The following PUS3 variants were observed in gnomAD, a reference collection of about 807,000 sequenced individuals.
PUS3 encodes the protein tRNA pseudouridine(38/39) synthase.
PUS3 carries 36 observed loss-of-function variants against 43.3 expected under a neutral mutation model. That is an observed-to-expected ratio of 0.83 (90% CI 0.64 to 1.10). PUS3 has a LOEUF of 1.10. PUS3 is among the 50% of genes least tolerant of loss of function. The pLI, the probability that PUS3 is intolerant of heterozygous loss-of-function variation, is 0.00. For synonymous variants in PUS3, 183 were observed against 199.2 expected (o/e 0.92, Z 0.69); for missense variants, 544 against 589.9 (o/e 0.92, Z 0.81).
rs1441319659 is a variant in PUS3, at chr11:125,893,939, A to G, written c.1292T>C (p.Val431Ala). The G allele has an allele frequency of 1.2e-6, 2 of 1,614,144 alleles. No individual in the cohort carries two copies. Among genetic ancestry groups the G allele is most frequent in the Non-Finnish European group, 1.7e-6 (2 of 1,180,044 alleles). Residue 431 changes from valine to alanine, a missense_variant, in exon 4 of 4, where the codon GTA becomes GCA. Physicochemically the swap from Val to Ala is moderately conservative, Grantham distance 64 (BLOSUM62 0). Transcript: ENST00000227474. ...TGGGTGCTCAATTCGTCCCCTACGT[A>G]CAAAATGCTGGATCCGGGATTCCAG... ...QGLESRIQHFVRRGRIEHPHL... is the reference protein window; with the variant it reads ...QGLESRIQHFARRGRIEHPHL...
intron 1 of PUS3, among the ~76,000 whole-genome samples, chr11:125,896,632 G>A (rs1412392391): frequency 6.6e-6 from 1 of 152,210 alleles, no homozygotes; most frequent in East Asian, 1.9e-4. Flanking sequence ...TGAATTGATT[G>A]AGGACTGATG....
rs1322006941 is a variant in PUS3, at chr11:125,895,719, T to G, written c.449A>C (p.Glu150Ala). The G allele has an allele frequency of 3.1e-6, 5 of 1,613,286 alleles. No homozygotes were observed. Among genetic ancestry groups the G allele is most frequent in the Non-Finnish European group, 4.2e-6 (5 of 1,179,882 alleles). Residue 150 changes from glutamate (E) to alanine (A), a missense_variant, in exon 3 of 4, where the codon GAG (glutamate) becomes GCG (alanine). Glu to Ala is a moderately radical substitution (Grantham distance 107). Transcript: ENST00000227474. Reference sequence around the variant, plus strand: ...GATCTCTTCAGCAGCAGCATTAGCCTCCTCTTTTACATTAAAGTCCTCGGA... The same window carrying G: ...GATCTCTTCAGCAGCAGCATTAGCCGCCTCTTTTACATTAAAGTCCTCGGA... ...RDSEDFNVKE[E>A]ANAAAEEIRY...
At chr11:125,899,958 T>C in intron 1 of PUS3, 4 of 1,614,160 alleles carry the variant, frequency 2.5e-6, no homozygotes, top group Non-Finnish European at 3.4e-6. Flanking sequence ...TCCTTTATTC[T>C]CCCAAAGCTG....
chr11:125,894,379 G>C (rs781437406), intron 3 of PUS3, 93 bp from the exon 4 acceptor site: 141 of 993,290 alleles, frequency 1.4e-4, no homozygotes, highest in Non-Finnish European at 1.9e-4. Flanking sequence ...AGGGAGCCGG[G>C]TAGGGCGCCA....
chr11:125,894,682 T>TA (rs1003203145), intron 3 of PUS3, among the ~76,000 whole-genome samples: 6 of 152,228 alleles, frequency 3.9e-5, no homozygotes, highest in Non-Finnish European at 8.8e-5. Flanking sequence ...CTTTCTTTCC[T>TA]ACCATTTTGG....
chr11:125,893,708 C>T lies in PUS3; in HGVS notation c.*77G>A, dbSNP rs1207755124. ...TGATCATCTGAATTCCTAGTACTTG[C>T]AAGTAAATTTTTTTTTTTTTCCTTT... On this transcript the variant is annotated 3_prime_UTR_variant, in exon 4 of 4. Transcript: ENST00000227474. 2.5e-6 allele frequency: 3 copies of T among 1,217,456 alleles called. No individual in the cohort carries two copies. Among genetic ancestry groups the T allele is most frequent in the Admixed American group, 2.7e-5 (1 of 36,724 alleles). The allele number at this position is 1,217,456 out of a possible 1,614,324, so 75.4% of individuals were successfully genotyped here.
intron 1 of PUS3, among the ~76,000 whole-genome samples, chr11:125,902,648 CAT>C (rs2134267270): frequency 6.8e-6 from 1 of 146,654 alleles, no homozygotes; most frequent in African/African-American, 2.5e-5. Context: ...TGGGTTAACA[CAT>C]AAATAGCATT....
Position 125,894,165 on chromosome 11 carries a change from C to G in PUS3, c.1066G>C (p.Ala356Pro), listed in dbSNP as rs779598027. The G allele has an allele frequency of 1.2e-5, 19 of 1,614,044 alleles. No homozygotes were observed. Among genetic ancestry groups the G allele is most frequent in the Non-Finnish European group, 1.6e-5 (19 of 1,180,036 alleles). Residue 356 changes from alanine (A) to proline (P), a missense_variant, in exon 4 of 4, where the codon GCT becomes CCT. Coordinates refer to ENST00000227474, the MANE Select transcript of PUS3 (RefSeq NM_031307.4). ...THLQQLWANH[A>P]VKTHMLYSML... ...CTATACAACATGTGAGTTTTGACAG[C>G]ATGATTAGCCCACAGTTGTTGTAGG...
Position 125,893,872 on chromosome 11 carries a change from A to T in PUS3, c.1359T>A (p.Cys453Ter). The T allele has an allele frequency of 6.2e-7, 1 of 1,614,114 alleles. No individual in the cohort carries two copies. Among genetic ancestry groups the T allele is most frequent in the Non-Finnish European group, 8.5e-7 (1 of 1,180,008 alleles). Reference protein sequence around the residue: ...HEEETKAKRDCNDTLEEENTN... With the variant: ...HEEETKAKRD ...TATTCTCTTCCTCTAGTGTGTCATT[A>T]CAGTCCCTTTTGGCTTTTGTTTCTT... The change falls in exon 4 of 4, where the codon TGT (cysteine) becomes TGA (stop). Residue 453 changes from cysteine (C) to a stop codon, truncating the protein, a stop_gained. Transcript: ENST00000227474. LOFTEE classifies it high-confidence loss of function.
At chr11:125,901,680 TAATC>T (rs1253798478) in intron 1 of PUS3, among the ~76,000 whole-genome samples, 1 of 152,198 alleles carries the variant, frequency 6.6e-6, no homozygotes, top group African/African-American at 2.4e-5. Flanking sequence ...GGAAAAGAAG[TAATC>T]AATGACTCAG....
intron 1 of PUS3, chr11:125,899,756 G>A (rs1216025401): frequency 6.2e-7 from 1 of 1,614,078 alleles, no homozygotes; most frequent in Non-Finnish European, 8.5e-7. Context: ...GGATCTCTGG[G>A]ACTTAAGACA....
rs775188036 is a variant in PUS3 at position 125,895,339 on chromosome 11, G to T, written c.829C>A (p.His277Asn). 20 of 1,614,184 alleles carry T rather than the reference G, an allele frequency of 1.2e-5. No homozygotes were observed. Among genetic ancestry groups the T allele is most frequent in the Non-Finnish European group, 1.7e-5 (20 of 1,180,026 alleles). Residue 277 changes from histidine to asparagine, a missense_variant, in exon 3 of 4, where the codon CAT (histidine) becomes AAT (asparagine). His to Asn is a moderately conservative substitution (Grantham distance 68, BLOSUM62 1). Coordinates refer to ENST00000227474, the MANE Select transcript of PUS3 (RefSeq NM_031307.4). ...FEVTGQAFLY[H>N]QVRCMMAILF... The stretch of plus-strand genomic sequence containing the variant: ...ATAGCCATCATACATCGGACTTGAT[G>T]ATAAAGGAATGCCTGGCCAGTCACT...
rs1451506634 is a variant in PUS3 at position 125,895,170 on chromosome 11, C to T, written c.944+54G>A. On this transcript the variant is annotated intron_variant, in intron 3 of 3. Transcript: ENST00000227474. ...CAAGCAATTCTTGTGCCTCAAGCGT[C>T]CCGAGTAGCTGGGACTACAGGCATG... 7.0e-6 allele frequency: 10 copies of T among 1,434,424 alleles called. No individual in the cohort carries two copies. The East Asian group carries it at 1.8e-4, about 26-fold the overall frequency. 88.9% of individuals were successfully genotyped at this position (1,434,424 alleles called of 1,614,324 possible).
At chr11:125,898,733 T>G (rs899258126) in intron 1 of PUS3, among the ~76,000 whole-genome samples, 2 of 152,014 alleles carry the variant, frequency 1.3e-5, no homozygotes, top group African/African-American at 4.8e-5. Context: ...ACACATTATA[T>G]GTGTGTGAGA....
chr11:125,899,709 T>C, intron 1 of PUS3: 2 of 1,614,126 alleles, frequency 1.2e-6, no homozygotes, highest in Admixed American at 3.3e-5. Context: ...GATGAGTCGA[T>C]TATCAGTGAA....
rs768861384 is a variant in PUS3 at position 125,896,281 on chromosome 11, C to A, written c.4G>T (p.Ala2Ser). Residue 2 changes from alanine (A) to serine (S), a missense_variant, in exon 2 of 4, where the codon GCT becomes TCT. By Grantham distance (99) the Ala-to-Ser change is moderately conservative. Coordinates refer to ENST00000227474, the MANE Select transcript of PUS3 (RefSeq NM_031307.4). M[A>S]YNDTDRNQTE... ...TGGTTTCTGTCTGTGTCATTATAAG[C>A]CATGATATGACAACCCCAGGAATAA... 1.2e-6 allele frequency: 2 copies of A among 1,603,584 alleles called. No homozygotes were observed. The highest frequency in any genetic ancestry group is 1.7e-6 in the Non-Finnish European group (2 of 1,171,394).
At position 125,895,288 on chromosome 11, in the gene PUS3, C is replaced by G. The variant is rs1474714880; in HGVS notation, c.880G>C (p.Glu294Gln). The stretch of plus-strand genomic sequence containing the variant: ...AGCTCATCAATAATCTCTGGCTTCT[C>G]CATTCCTTGGCCAATCAGAAAGAGG... ...AILFLIGQGM[E>Q]KPEIIDELLN... The change falls in exon 3 of 4, where the codon GAG (glutamate) becomes CAG (glutamine). Residue 294 changes from glutamate to glutamine, a missense_variant. Physicochemically the swap from Glu to Gln is conservative, Grantham distance 29 (BLOSUM62 2). Transcript: ENST00000227474. 1 of 1,613,032 alleles carries G rather than the reference C, an allele frequency of 6.2e-7. No individual in the cohort carries two copies. The highest frequency in any genetic ancestry group is 1.1e-5 in the South Asian group (1 of 90,842).
At chr11:125,899,362 G>A (rs763456459) in intron 1 of PUS3, 20 of 1,613,702 alleles carry the variant, frequency 1.2e-5, no homozygotes, top group Non-Finnish European at 1.6e-5. Context: ...ACAGTGTAGG[G>A]GAAGCAATGG....
rs1178781904 is a variant in PUS3, at chr11:125,900,274, T to C, written c.-47+2896A>G. ...TCCCTCTTTCTCCTTCTTAAATCTT[T>C]TTAAACTTCTTTCACAGGATTGTTT... On this transcript the variant is annotated intron_variant, in intron 1 of 3. Transcript: ENST00000227474. The C allele has an allele frequency of 5.6e-6, 9 of 1,613,586 alleles. No individual in the cohort carries two copies. The Admixed American group carries it at 8.3e-5, about 15-fold the overall frequency.
Sources: allele counts gnomAD v4.1 joint callset (sites outside exome capture counted in the v4.1 genomes callset), GRCh38; gene constraint gnomAD v4.1.1; transcripts MANE v1.5; gene names NCBI Gene and HGNC (gene_info 2026-07-23, HGNC 2026-07-21).